PSME4: variants seen among roughly 807,000 people sequenced by gnomAD.
PSME4 encodes the protein proteasome activator subunit 4.
A neutral mutation model predicts 253.9 loss-of-function variants in PSME4; 89 were observed. The ratio of observed to expected loss-of-function variants is 0.35; its 90% confidence interval spans 0.30 to 0.42. The LOEUF (loss-of-function observed/expected upper bound fraction) is 0.42. Among genes scored for constraint, PSME4 ranks in the 10% least tolerant of loss-of-function variants. The pLI is 1.00. For synonymous variants in PSME4, 851 were observed against 759.2 expected, an observed-to-expected ratio of 1.12 and a Z score of -1.99; for missense variants, 2,014 against 2,195.2, an observed-to-expected ratio of 0.92 and a Z score of 1.65.
At chr2:53,957,981 T>C (rs1670311508) in intron 1 of PSME4, among the ~76,000 whole-genome samples, 1 of 151,772 alleles carries the variant, frequency 6.6e-6, no homozygotes, top group Non-Finnish European at 1.5e-5. Context: ...AGGTCAGGAG[T>C]TCGAGACCAG....
Position 53,906,583 on chromosome 2 carries a change from T to G in PSME4, c.2943+15A>C, listed in dbSNP as rs1680669648. 1 of 1,528,200 alleles carries G rather than the reference T, an allele frequency of 6.5e-7. No individual in the cohort carries two copies. The highest frequency in any genetic ancestry group is 1.4e-5 in the African/African-American group (1 of 71,880). The allele number at this position is 1,528,200 out of a possible 1,614,324, so 94.7% of individuals were successfully genotyped here. ...ATGGGAGGGCATGAGAGTGCAGCGT[T>G]TGGATAAGCCTTACCTGACTGTATG... On this transcript the variant is annotated intron_variant, in intron 26 of 46. Transcript: ENST00000404125.
At chr2:53,875,815 A>T (rs570739252) in intron 41 of PSME4, 60 bp from the exon 42 acceptor site, 1 of 1,483,188 alleles carries the variant, frequency 6.7e-7, no homozygotes, top group East Asian at 2.3e-5. Context: ...GTACAAAGGC[A>T]TCCTACATGA....
At chr2:53,900,099 G>C in intron 28 of PSME4, 82 bp from the exon 29 acceptor site, 1 of 1,279,372 alleles carries the variant, frequency 7.8e-7, no homozygotes, top group Admixed American at 2.3e-5. Flanking sequence ...GTCATGCTAA[G>C]TGAAAGAGGC....
intron 22 of PSME4, 72 bp from the exon 23 acceptor site, chr2:53,908,637 CAAG>C: frequency 6.6e-6 from 10 of 1,510,664 alleles, no homozygotes; most frequent in Non-Finnish European, 7.1e-6. Flanking sequence ...AGGCATTAGT[CAAG>C]AATCTATTAA....
At chr2:53,875,494 A>G (rs1679077312) in intron 42 of PSME4, 133 bp downstream of exon 42, 1 of 855,972 alleles carries the variant, frequency 1.2e-6, no homozygotes, top group Non-Finnish European at 1.7e-6. Flanking sequence ...TGGTCAATAT[A>G]TATGTCTTCT....
At position 53,934,660 on chromosome 2, in the gene PSME4, A is replaced by T. The variant is rs143305901; in HGVS notation, c.902T>A (p.Phe301Tyr). 6.2e-6 allele frequency: 10 copies of T among 1,611,642 alleles called. No individual in the cohort carries two copies. The African/African-American group carries it at 1.3e-4, about 22-fold the overall frequency. ...VGSSQVLVPR[F>Y]LTNAYDIGHA... ...TCCTATATCATAAGCATTTGTTAAA[A>T]ATCTTGGGACTAACACTTGACTGCT... Residue 301 changes from phenylalanine (F) to tyrosine (Y), a missense_variant, in exon 8 of 47, where the codon TTT (phenylalanine) becomes TAT (tyrosine). Phe to Tyr is a conservative substitution (Grantham distance 22, BLOSUM62 3). Coordinates refer to ENST00000404125, the MANE Select transcript of PSME4 (RefSeq NM_014614.3).
intron 4 of PSME4, 109 bp from the exon 5 acceptor site, chr2:53,937,649 A>G (rs1669185869): frequency 1.0e-6 from 1 of 985,352 alleles, no homozygotes; most frequent in African/African-American, 1.7e-5. Flanking sequence ...TATATGTCAT[A>G]GCATGTAACA....
intron 35 of PSME4, 33 bp from the exon 36 acceptor site, chr2:53,892,993 A>G: frequency 6.4e-7 from 1 of 1,574,672 alleles, no homozygotes; most frequent in Non-Finnish European, 8.7e-7. Context: ...TCAGTACTCA[A>G]ATGACTATCA....
At chr2:53,909,329 C>T (rs1667715547) in intron 21 of PSME4, among the ~76,000 whole-genome samples, 1 of 151,950 alleles carries the variant, frequency 6.6e-6, no homozygotes, top group Non-Finnish European at 1.5e-5. Flanking sequence ...AGATTTAGAA[C>T]ATTAACAATA....
chr2:53,904,002 A>G (rs1680531480), intron 27 of PSME4, 23 bp downstream of exon 27: 2 of 1,576,942 alleles, frequency 1.3e-6, no homozygotes, highest in East Asian at 4.5e-5. Flanking sequence ...TGTTTACAGT[A>G]AAATAGGAAA....
At chr2:53,932,426 A>T (rs1668874346) in intron 9 of PSME4, among the ~76,000 whole-genome samples, 1 of 152,218 alleles carries the variant, frequency 6.6e-6, no homozygotes, top group Non-Finnish European at 1.5e-5. Context: ...TATGCTTCTA[A>T]GGCATTTTTG....
At chr2:53,915,989 C>T (rs997371168) in intron 20 of PSME4, among the ~76,000 whole-genome samples, 10 of 152,082 alleles carry the variant, frequency 6.6e-5, no homozygotes, top group African/African-American at 1.9e-4. Flanking sequence ...GCAGGATAAT[C>T]GCTTGAACCC....
chr2:53,866,305 G>A lies in PSME4; in HGVS notation c.5398-82C>T, dbSNP rs548631229. On this transcript the variant is annotated intron_variant, in intron 45 of 46. Coordinates refer to ENST00000404125, the MANE Select transcript of PSME4 (RefSeq NM_014614.3). ...GTAGGATACTTTTAGTTAAATTACC[G>A]TCCCTCTAGACTTCAGATCTCACAC... The A allele has an allele frequency of 3.0e-3, 4,293 of 1,454,496 alleles. 6 individuals carry two copies. The highest frequency in any genetic ancestry group is 3.5e-3 in the Non-Finnish European group (3,737 of 1,067,576). The allele number at this position is 1,454,496 out of a possible 1,614,324, so 90.1% of individuals were successfully genotyped here. A position where few individuals can be genotyped will look rare whatever the true frequency, so the allele number is the denominator to read the frequency against.
intron 9 of PSME4, 55 bp downstream of exon 9, chr2:53,932,613 G>A: frequency 7.1e-7 from 1 of 1,402,120 alleles, no homozygotes; most frequent in South Asian, 1.2e-5. Context: ...AATAGTCAAG[G>A]ATGACCATAT....
At chr2:53,893,929 T>C (rs1680026545) in intron 34 of PSME4, 130 bp from the exon 35 acceptor site, 3 of 1,351,382 alleles carry the variant, frequency 2.2e-6, no homozygotes, top group Non-Finnish European at 2.9e-6. Context: ...GAATTCTTAG[T>C]TCTCATAGAC....
intron 4 of PSME4, 59 bp downstream of exon 4, chr2:53,939,897 A>T: frequency 1.4e-6 from 2 of 1,417,740 alleles, no homozygotes; most frequent in Non-Finnish European, 2.0e-6. Context: ...AACCATACTA[A>T]AGATGTGGAA....
At chr2:53,925,354 G>C (rs554676876) in intron 14 of PSME4, among the ~76,000 whole-genome samples, 185 bp downstream of exon 14, 2 of 152,340 alleles carry the variant, frequency 1.3e-5, no homozygotes, top group Admixed American at 1.3e-4. Context: ...CAAATAGTTA[G>C]AGCAAACAGG....
At chr2:53,874,520 G>T in intron 42 of PSME4, 26 bp from the exon 43 acceptor site, 7 of 1,607,536 alleles carry the variant, frequency 4.4e-6, no homozygotes, top group Non-Finnish European at 6.0e-6. Context: ...AAATATAAAC[G>T]ATAAAGCAGT....
At chr2:53,914,295 G>A (rs911830699) in intron 20 of PSME4, among the ~76,000 whole-genome samples, 3 of 152,094 alleles carry the variant, frequency 2.0e-5, no homozygotes, top group African/African-American at 7.2e-5. Flanking sequence ...TTAAAGGCAA[G>A]GGTCCAAAAT....
Sources: allele counts gnomAD v4.1 joint callset (sites outside exome capture counted in the v4.1 genomes callset), GRCh38; gene constraint gnomAD v4.1.1; transcripts MANE v1.5; gene names NCBI Gene and HGNC (gene_info 2026-07-23, HGNC 2026-07-21).